The following NUP160 variants were observed in gnomAD, a reference collection of about 807,000 sequenced individuals.
The protein encoded by NUP160 is nuclear pore complex protein Nup160.
NUP160 carries 94 observed loss-of-function variants against 196.9 expected under a neutral mutation model. The observed-to-expected ratio is 0.48, with a 90% confidence interval of 0.40 to 0.57. NUP160 has a LOEUF of 0.57. NUP160 is among the 20% of genes least tolerant of loss of function. NUP160 has a pLI of 0.00. For synonymous variants in NUP160, 605 were observed against 619.7 expected (o/e 0.98, Z 0.35); for missense variants, 1,638 against 1,748.3 (o/e 0.94, Z 1.13).
intron 17 of NUP160, among the ~76,000 whole-genome samples, chr11:47,809,611 A>G (rs1364330387): frequency 6.6e-6 from 1 of 151,704 alleles, no homozygotes; most frequent in African/African-American, 2.4e-5. Context: ...TAGCTGGTGT[A>G]GTGGTGCGCA....
chr11:47,794,446 G>A (rs990451507), intron 27 of NUP160, among the ~76,000 whole-genome samples: 2 of 152,138 alleles, frequency 1.3e-5, no homozygotes, highest in African/African-American at 4.8e-5. Flanking sequence ...CTGCACTCCA[G>A]CCTGGGCGAC....
At chr11:47,844,730 C>T (rs1351614472) in intron 2 of NUP160, among the ~76,000 whole-genome samples, 1 of 152,146 alleles carries the variant, frequency 6.6e-6, no homozygotes, top group Non-Finnish European at 1.5e-5. Context: ...GGCATGTGAA[C>T]CAGAACAACT....
At chr11:47,848,294 G>C (rs772355663) in exon 1 of NUP160, 2 of 1,614,110 alleles carry the variant, frequency 1.2e-6, no homozygotes, top group Non-Finnish European at 1.7e-6. Context: ...ACGAAGCTCC[G>C]TTCCAGGGCT....
intron 2 of NUP160, chr11:47,841,570 T>C: frequency 2.3e-6 from 1 of 429,284 alleles, no homozygotes; most frequent in Non-Finnish European, 4.6e-6. Flanking sequence ...CTGGGATGGA[T>C]CTACGAGTTT....
At chr11:47,783,814 C>T (rs1301783558) in intron 33 of NUP160, among the ~76,000 whole-genome samples, 4 of 151,996 alleles carry the variant, frequency 2.6e-5, no homozygotes, top group Non-Finnish European at 5.9e-5. Context: ...TAACCTCTGC[C>T]TCCAGAGTAG....
chr11:47,847,722 AAAAAC>A (rs1233752247), intron 2 of NUP160, 121 bp downstream of exon 2: 1 of 670,132 alleles, frequency 1.5e-6, no homozygotes, highest in African/African-American at 1.8e-5. Context: ...TACGAACTGA[AAAAAC>A]AATCTTTCTC....
chr11:47,838,982 C>T (rs537327047), intron 4 of NUP160, among the ~76,000 whole-genome samples: 3 of 145,446 alleles, frequency 2.1e-5, no homozygotes, highest in East Asian at 4.2e-4. Context: ...CCAGCCTGGG[C>T]GACAGAGAGA....
exon 17 of NUP160, chr11:47,812,149 C>T: frequency 1.2e-6 from 2 of 1,614,070 alleles, no homozygotes; most frequent in Non-Finnish European, 8.5e-7. Flanking sequence ...TTTATGCACC[C>T]CTCTGCACAC....
intron 20 of NUP160, 119 bp from the exon 21 acceptor site, chr11:47,804,737 G>C (rs2097676471): frequency 1.6e-6 from 1 of 627,930 alleles, no homozygotes; most frequent in Admixed American, 3.3e-5. Context: ...AGGCAGAGAA[G>C]TTGGCCAACC....
chr11:47,835,658 C>T lies in NUP160; in HGVS notation c.1094G>A (p.Arg365Gln), dbSNP rs558382044. ...GTCTTATTTGTTTCATACCTGTCCT[C>T]GTTTTGGTGCATGCATGTATATCCC... is the stretch of plus-strand genomic sequence containing the variant. Residue 365 changes from arginine to glutamine, a missense_variant, in exon 7 of 36, where the codon CGA becomes CAA. Arg to Gln is a conservative substitution (Grantham distance 43, BLOSUM62 1). This residue lies in a region of NUP160 where 1,345 missense variants were observed against 1,470.2 expected (regional missense o/e 0.91). Transcript: ENST00000378460. 39 of 1,578,332 alleles carry T rather than the reference C, an allele frequency of 2.5e-5. No individual in the cohort carries two copies. The East Asian group carries it at 4.8e-4, about 20-fold the overall frequency.
At chr11:47,781,651 A>G (rs1333132053) in intron 34 of NUP160, among the ~76,000 whole-genome samples, 1 of 152,140 alleles carries the variant, frequency 6.6e-6, no homozygotes, top group Non-Finnish European at 1.5e-5. Flanking sequence ...AGCCTGTGAT[A>G]ACCTCTGAGC....
chr11:47,792,995 C>A, intron 27 of NUP160, 49 bp from the exon 28 acceptor site: 1 of 1,532,004 alleles, frequency 6.5e-7, no homozygotes. Flanking sequence ...ATTTTTTTTT[C>A]TTTTTTTTGG....
In NUP160 at chr11:47,812,099, T is replaced by C. The variant is rs199925531; in HGVS notation, c.2206A>G (p.Ile736Val). The change falls in exon 17 of 36, where the codon ATC becomes GTC. Residue 736 changes from isoleucine (I) to valine (V), a missense_variant. By Grantham distance (29) the Ile-to-Val change is conservative. Coordinates refer to ENST00000378460, the Ensembl canonical transcript of NUP160. Reference sequence around the variant, plus strand: ...AGCCTCATTAACAGCTGCTGTAAGATCAAAAGATCTCTGCAGATCAGGAAA... The same window carrying C: ...AGCCTCATTAACAGCTGCTGTAAGACCAAAAGATCTCTGCAGATCAGGAAA... The C allele has an allele frequency of 1.1e-4, 177 of 1,614,098 alleles. No homozygotes were observed. Among genetic ancestry groups the C allele is most frequent in the Non-Finnish European group, 1.4e-4 (165 of 1,180,016 alleles).
chr11:47,838,037 C>T (rs559764644), intron 4 of NUP160, among the ~76,000 whole-genome samples: 12 of 152,248 alleles, frequency 7.9e-5, no homozygotes, highest in Middle Eastern at 3.4e-3. Context: ...GAAGCAGAGA[C>T]AGTTAAATTA....
At chr11:47,831,923 G>C (rs1852085670) in intron 7 of NUP160, among the ~76,000 whole-genome samples, 1 of 72,834 alleles carries the variant, frequency 1.4e-5, no homozygotes, top group Non-Finnish European at 2.3e-5. Context: ...TTTTTTTTGA[G>C]ACAGAATCTC....
intron 7 of NUP160, among the ~76,000 whole-genome samples, chr11:47,835,365 C>T (rs760404832): frequency 6.6e-6 from 1 of 152,234 alleles, no homozygotes; most frequent in African/African-American, 2.4e-5. Context: ...ATAACACCTA[C>T]ATCCCTTTCA....
At chr11:47,829,774 A>G (rs1235715919) in intron 7 of NUP160, among the ~76,000 whole-genome samples, 1 of 152,240 alleles carries the variant, frequency 6.6e-6, no homozygotes, top group African/African-American at 2.4e-5. Flanking sequence ...CCTGGAAGAC[A>G]ACCATAGGCA....
intron 31 of NUP160, 22 bp downstream of exon 31, chr11:47,788,160 A>T: frequency 6.3e-7 from 1 of 1,591,182 alleles, no homozygotes; most frequent in Non-Finnish European, 8.6e-7. Context: ...AAAAGACTAT[A>T]AAAAAATAAT....
chr11:47,820,921 A>G (rs886865667), intron 9 of NUP160, among the ~76,000 whole-genome samples: 7 of 152,144 alleles, frequency 4.6e-5, no homozygotes, highest in African/African-American at 1.7e-4. Context: ...GGCCTCAGGC[A>G]ATCCTCCCAC....
Sources: gnomAD v4.1 joint callset for allele counts (sites outside exome capture counted in the v4.1 genomes callset) on GRCh38, gnomAD v4.1.1 for gene constraint, gnomAD v4.1.1 regional missense constraint, MANE v1.5 for transcripts, NCBI Gene and HGNC (gene_info 2026-07-23, HGNC 2026-07-21) for gene names.